The following CPM variants were observed in gnomAD, a reference collection of about 807,000 sequenced individuals.
CPM encodes carboxypeptidase M, also known as renal carboxypeptidase.
A neutral mutation model predicts 46.4 loss-of-function variants in CPM; 35 were observed. The ratio of observed to expected loss-of-function variants is 0.75; its 90% CI spans 0.58 to 1.00. CPM has a LOEUF of 1.00. Among genes scored for constraint, CPM ranks in the 50% least tolerant of loss-of-function variants. The probability of loss-of-function intolerance (pLI) is 0.00; values close to 1 mark genes in which losing one functional copy is unlikely to be tolerated. For missense variants in CPM, 422 were observed against 530.4 expected, an observed-to-expected ratio of 0.80 and a Z score of 2.01; for synonymous variants, 195 against 195.3, an observed-to-expected ratio of 1.00 and a Z score of 0.01.
intron 2 of CPM, among the ~76,000 whole-genome samples, chr12:68,920,693 C>CTTT (rs11391172): frequency 7.6e-6 from 1 of 131,800 alleles, no homozygotes; most frequent in African/African-American, 3.0e-5. Context: ...TTTTCTTTTT[C>CTTT]TTTTTCTTTT....
intron 2 of CPM, among the ~76,000 whole-genome samples, chr12:68,928,889 A>G (rs1592705069): frequency 6.6e-6 from 1 of 150,770 alleles, no homozygotes; most frequent in South Asian, 2.1e-4. Context: ...ACAGGCATGC[A>G]CCATTATGCC....
intron 2 of CPM, among the ~76,000 whole-genome samples, chr12:68,890,753 CA>C (rs1353886193): frequency 6.6e-6 from 1 of 152,218 alleles, no homozygotes; most frequent in African/African-American, 2.4e-5. Context: ...GAGGCCACCC[CA>C]CCGGGACATT....
chr12:68,951,988 G>T lies in CPM; in HGVS notation c.-4+11181C>A, dbSNP rs527617929. 2.0e-5 allele frequency among the ~76,000 whole-genome samples: 3 copies of T among 152,246 alleles called. No homozygotes were observed. In the East Asian group the frequency reaches 5.8e-4, roughly 29 times the overall value. On this transcript the variant is annotated intron_variant, in intron 1 of 8. Coordinates refer to the CPM transcript ENST00000546373. Reference sequence around the variant, plus strand: ...GGAGGAAGCTGCAATCCGTGTGTGGGTTTTTGCTGAATTGGAGTTTCCTCT... The same window carrying T: ...GGAGGAAGCTGCAATCCGTGTGTGGTTTTTTGCTGAATTGGAGTTTCCTCT...
chr12:68,862,583 G>A (rs1467224031), intron 7 of CPM, among the ~76,000 whole-genome samples: 1 of 139,650 alleles, frequency 7.2e-6, no homozygotes, highest in Non-Finnish European at 1.6e-5. Flanking sequence ...GAAGCCTGGG[G>A]TATGCGAATA....
chr12:68,956,653 G>C (rs762212074), intron 1 of CPM, among the ~76,000 whole-genome samples: 18 of 152,078 alleles, frequency 1.2e-4, no homozygotes, highest in Non-Finnish European at 2.6e-4. Context: ...GTAAAAAACA[G>C]ACAGGTTAAT....
intron 2 of CPM, among the ~76,000 whole-genome samples, chr12:68,924,442 T>C (rs1306622801): frequency 6.7e-6 from 1 of 148,388 alleles, no homozygotes; most frequent in Non-Finnish European, 1.5e-5. Flanking sequence ...ATTGTGACAC[T>C]GCACTCCAGC....
downstream of CPM, chr12:68,850,342 G>A (rs935565879): frequency 1.3e-5 from 2 of 151,594 alleles, no homozygotes; most frequent in African/African-American, 4.8e-5. Flanking sequence ...AATATACCAG[G>A]GAACTTCTGC....
chr12:68,887,237 C>T (rs769854953), intron 2 of CPM, among the ~76,000 whole-genome samples: 20 of 152,218 alleles, frequency 1.3e-4, no homozygotes, highest in South Asian at 8.3e-4. Context: ...GTTTGATATC[C>T]GTCATGTATG....
intron 3 of CPM, among the ~76,000 whole-genome samples, chr12:68,884,990 C>T (rs376601015): frequency 7.2e-5 from 11 of 152,158 alleles, no homozygotes; most frequent in African/African-American, 2.7e-4. Context: ...GTCGCCTAGG[C>T]TGGAGAGCAG....
At chr12:68,962,435 G>C in intron 1 of CPM, among the ~76,000 whole-genome samples, 1 of 152,152 alleles carries the variant, frequency 6.6e-6, no homozygotes. Context: ...ACTCTTCCCC[G>C]AGGGCAGCCA....
intron 2 of CPM, among the ~76,000 whole-genome samples, chr12:68,893,193 G>A (rs1177637433): frequency 1.3e-5 from 2 of 149,526 alleles, no homozygotes; most frequent in African/African-American, 4.9e-5. Flanking sequence ...GGCAAGGGAA[G>A]GAAAGACGTG....
At chr12:68,868,079 C>A (rs1885533481) in intron 6 of CPM, among the ~76,000 whole-genome samples, 1 of 152,174 alleles carries the variant, frequency 6.6e-6, no homozygotes, top group East Asian at 1.9e-4. Flanking sequence ...CCAGCAGCAA[C>A]CGTTTCTAGC....
intron 2 of CPM, chr12:68,912,001 T>C (rs1887614156): frequency 6.6e-6 from 1 of 152,018 alleles, no homozygotes; most frequent in Non-Finnish European, 1.5e-5. Context: ...AAAAAATAAG[T>C]TGTATTATTA....
Position 68,854,853 on chromosome 12 carries a change from A to G in CPM, c.*1584T>C, listed in dbSNP as rs1884886480. On this transcript the variant is annotated 3_prime_UTR_variant, in exon 9 of 9. Transcript: ENST00000551568. ...CAGAGAGCAGAATTCATCAATATTT[A>G]TCAGCACCAATTTTTTTTTTTAAGA... is the stretch of plus-strand genomic sequence containing the variant. 1 of 151,936 alleles carries G rather than the reference A, an allele frequency of 6.6e-6. No homozygotes were observed. Among genetic ancestry groups the G allele is most frequent in the African/African-American group, 2.4e-5 (1 of 41,302 alleles). 9.4% of individuals were successfully genotyped at this position (151,936 alleles called of 1,614,324 possible). A position where few individuals can be genotyped will look rare whatever the true frequency, so the allele number is the denominator to read the frequency against.
At chr12:68,916,539 G>A (rs1021559602) in intron 2 of CPM, among the ~76,000 whole-genome samples, 1 of 152,132 alleles carries the variant, frequency 6.6e-6, no homozygotes, top group African/African-American at 2.4e-5. Flanking sequence ...ACCCTGGTGT[G>A]TTTGTATTTT....
intron 2 of CPM, among the ~76,000 whole-genome samples, chr12:68,918,558 T>G (rs1333837188): frequency 2.0e-5 from 3 of 152,132 alleles, no homozygotes; most frequent in Non-Finnish European, 4.4e-5. Flanking sequence ...CTAAGCATCA[T>G]CCTTGATTTT....
chr12:68,871,703 T>C, intron 4 of CPM, 81 bp downstream of exon 4: 2 of 1,481,252 alleles, frequency 1.4e-6, no homozygotes, highest in Non-Finnish European at 1.9e-6. Context: ...ACACATCTCC[T>C]CTTGCCAAGG....
At chr12:68,889,857 G>A (rs568049398) in intron 2 of CPM, among the ~76,000 whole-genome samples, 70 of 152,238 alleles carry the variant, frequency 4.6e-4, no homozygotes, top group Admixed American at 3.9e-3. Context: ...GAAGAGAGCC[G>A]GCAGGAAGAC....
downstream of CPM, chr12:68,850,269 GAGCGA>G (rs1884605311): frequency 6.8e-6 from 1 of 146,618 alleles, no homozygotes; most frequent in Non-Finnish European, 1.5e-5. Context: ...CTGGGTGACA[GAGCGA>G]GACTTCGTCC....
Sources: allele counts gnomAD v4.1 joint callset (sites outside exome capture counted in the v4.1 genomes callset), GRCh38; gene constraint gnomAD v4.1.1; transcripts MANE v1.5; gene names NCBI Gene and HGNC (gene_info 2026-07-23, HGNC 2026-07-21).